Variants in NCAPG2 observed in about 807,000 individuals in gnomAD.
NCAPG2 encodes non-SMC condensin II complex subunit G2, also known as condensin-2 complex subunit G2.
NCAPG2 carries 53 observed loss-of-function variants against 141.1 expected under a neutral mutation model. That is an observed-to-expected ratio of 0.38 (90% CI 0.30 to 0.47). NCAPG2 has a LOEUF of 0.47. Ranked by LOEUF, NCAPG2 falls within the 20% of genes least tolerant of loss-of-function variation. The pLI is 0.99. For missense variants in NCAPG2, 1,087 were observed against 1,389.0 expected (o/e 0.78, Z 3.46); for synonymous variants, 499 against 490.7 (o/e 1.02, Z -0.22).
At chr7:158,637,851 C>A (rs62478286) in intron 27 of NCAPG2, among the ~76,000 whole-genome samples, 2,763 of 152,190 alleles carry the variant, frequency 0.018, 28 homozygotes, top group Middle Eastern at 0.041. Flanking sequence ...CTATAAAAAT[C>A]CCTGACACTT....
intron 22 of NCAPG2, among the ~76,000 whole-genome samples, chr7:158,653,549 A>G (rs1200919943): frequency 6.6e-6 from 1 of 152,108 alleles, no homozygotes; most frequent in East Asian, 1.9e-4. Context: ...GTGTTCTCCT[A>G]GCATCTACTT....
At chr7:158,677,446 T>A (rs554356366) in intron 11 of NCAPG2, among the ~76,000 whole-genome samples, 2 of 137,412 alleles carry the variant, frequency 1.5e-5, no homozygotes, top group South Asian at 4.6e-4. Context: ...CAATCCTTTA[T>A]CCAAACATAA....
chr7:158,660,401 C>CTTTTTTTTTTTTTTTTT lies in NCAPG2; in HGVS notation c.1989+1776_1989+1792dup, dbSNP rs945928092. Among the ~76,000 whole-genome samples, 27 of 72,816 alleles carry CTTTTTTTTTTTTTTTTT rather than the reference C, an allele frequency of 3.7e-4. 2 individuals carry two copies. Among genetic ancestry groups the CTTTTTTTTTTTTTTTTT allele is most frequent in the East Asian group, 2.0e-3 (3 of 1,524 alleles). 47.8% of individuals were successfully genotyped at this position (72,816 alleles called of 152,430 possible). On this transcript the variant is annotated intron_variant, in intron 16 of 27. Coordinates refer to ENST00000356309, the MANE Select transcript of NCAPG2 (RefSeq NM_017760.7). ...AGTCCCAGGTCATTATTTCAGCTTT[C>CTTTTTTTTTTTTTTTTT]TTTTTTTTTTTTTTTTTTTTTTTTT...
intron 16 of NCAPG2, among the ~76,000 whole-genome samples, chr7:158,660,242 A>G (rs1012287193): frequency 6.6e-6 from 1 of 152,034 alleles, no homozygotes; most frequent in African/African-American, 2.4e-5. Flanking sequence ...TCTTATAGAC[A>G]TACTCAGAAT....
At chr7:158,693,213 ATC>A (rs1835236861) in intron 3 of NCAPG2, 94 bp downstream of exon 3, 2 of 1,337,920 alleles carry the variant, frequency 1.5e-6, no homozygotes, top group African/African-American at 1.5e-5. Flanking sequence ...TAACTTCAAA[ATC>A]TGTCTTAATG....
At chr7:158,655,569 C>G (rs1831852741) in intron 19 of NCAPG2, 114 bp from the exon 20 acceptor site, 1 of 814,644 alleles carries the variant, frequency 1.2e-6, no homozygotes, top group South Asian at 1.6e-5. Context: ...AAGACCCCCG[C>G]TCTGGTGAAG....
At chr7:158,663,099 C>T (rs537152257) in intron 15 of NCAPG2, among the ~76,000 whole-genome samples, 79 of 152,360 alleles carry the variant, frequency 5.2e-4, no homozygotes, top group African/African-American at 1.9e-3. Flanking sequence ...ATTGTGGCTG[C>T]ATGCCAGTAA....
intron 14 of NCAPG2, 60 bp from the exon 15 acceptor site, chr7:158,664,356 C>T (rs1832756370): frequency 6.5e-7 from 1 of 1,539,798 alleles, no homozygotes; most frequent in African/African-American, 1.4e-5. Flanking sequence ...AATTAACTAT[C>T]TGATAGTGAA....
At chr7:158,663,804 T>C (rs1215317080) in intron 15 of NCAPG2, among the ~76,000 whole-genome samples, 3 of 152,244 alleles carry the variant, frequency 2.0e-5, no homozygotes, top group African/African-American at 4.8e-5. Context: ...CTAATATAAT[T>C]GGTTGCTTTG....
At chr7:158,673,706 G>C (rs1159432155) in intron 12 of NCAPG2, among the ~76,000 whole-genome samples, 1 of 152,240 alleles carries the variant, frequency 6.6e-6, no homozygotes, top group Admixed American at 6.5e-5. Context: ...CCAGCCGCAT[G>C]CAAACCACAG....
At position 158,655,342 on chromosome 7, in the gene NCAPG2, G is replaced by C; in HGVS notation, c.2502C>G (p.His834Gln). Reference sequence around the variant, plus strand: ...AGAGGGCCAGGAGCAGGCACACCTTGTGCTGAAGATGGATGCTCAGGCGAC... The same window carrying C: ...AGAGGGCCAGGAGCAGGCACACCTTCTGCTGAAGATGGATGCTCAGGCGAC... ...LHCRLSIHLQ[H>Q]KFCSEGKVYL... The change falls in exon 20 of 28, where the codon CAC becomes CAG. Residue 834 changes from histidine to glutamine, a missense_variant. His to Gln is a conservative substitution (Grantham distance 24). Coordinates refer to ENST00000356309, the MANE Select transcript of NCAPG2 (RefSeq NM_017760.7). 1 of 1,614,224 alleles carries C rather than the reference G, an allele frequency of 6.2e-7. No individual in the cohort carries two copies. The highest frequency in any genetic ancestry group is 1.1e-5 in the South Asian group (1 of 91,088).
intron 8 of NCAPG2, among the ~76,000 whole-genome samples, chr7:158,685,514 T>C (rs10272356): frequency 3.9e-5 from 6 of 152,226 alleles, no homozygotes; most frequent in African/African-American, 1.4e-4. Context: ...ATTCCTCATA[T>C]AAAGTGGAGT....
At chr7:158,657,691 G>A (rs969078542) in intron 17 of NCAPG2, among the ~76,000 whole-genome samples, 1 of 152,228 alleles carries the variant, frequency 6.6e-6, no homozygotes, top group African/African-American at 2.4e-5. Flanking sequence ...GATGACAATG[G>A]CGGTTTTGTG....
intron 22 of NCAPG2, among the ~76,000 whole-genome samples, chr7:158,653,711 C>T (rs1224788405): frequency 1.3e-5 from 2 of 152,222 alleles, no homozygotes; most frequent in Non-Finnish European, 2.9e-5. Flanking sequence ...ATTTTCAAAA[C>T]TTAATGTTGA....
At chr7:158,648,986 G>A (rs555280659) in intron 24 of NCAPG2, among the ~76,000 whole-genome samples, 40 of 152,150 alleles carry the variant, frequency 2.6e-4, no homozygotes, top group Middle Eastern at 3.2e-3. Flanking sequence ...CTACAACCAC[G>A]GCAAAGAAAA....
At chr7:158,687,317 G>T in intron 7 of NCAPG2, 31 bp downstream of exon 7, 1 of 1,487,012 alleles carries the variant, frequency 6.7e-7, no homozygotes, top group Non-Finnish European at 9.3e-7. Context: ...GATTAAGACA[G>T]CACAAAATCT....
At chr7:158,675,402 A>C in intron 12 of NCAPG2, 75 bp downstream of exon 12, 1 of 1,334,118 alleles carries the variant, frequency 7.5e-7, no homozygotes, top group African/African-American at 1.5e-5. Context: ...GTATTATTTT[A>C]ATCTTTTTCT....
At chr7:158,662,601 G>C (rs895145107) in intron 15 of NCAPG2, among the ~76,000 whole-genome samples, 2 of 152,142 alleles carry the variant, frequency 1.3e-5, no homozygotes, top group Non-Finnish European at 2.9e-5. Context: ...TTTACATGAA[G>C]AAAACTCCTC....
chr7:158,640,027 A>C, intron 27 of NCAPG2: 1 of 173,508 alleles, frequency 5.8e-6, no homozygotes, highest in Non-Finnish European at 1.1e-5. Context: ...CAGGAAGCTC[A>C]TAGAATACTG....
Sources: gnomAD v4.1 joint callset for allele counts (sites outside exome capture counted in the v4.1 genomes callset) on GRCh38, gnomAD v4.1.1 for gene constraint, MANE v1.5 for transcripts, NCBI Gene and HGNC (gene_info 2026-07-23, HGNC 2026-07-21) for gene names.